The following BCAR1 variants were observed in gnomAD, a reference collection of about 807,000 sequenced individuals.
BCAR1 encodes breast cancer anti-estrogen resistance protein 1.
Under a neutral mutation model 67.6 loss-of-function variants are expected in BCAR1, and 30 were observed. The observed-to-expected ratio is 0.44, with a 90% CI of 0.33 to 0.60. The LOEUF is 0.60. BCAR1 is among the 20% of genes least tolerant of loss of function. The probability of loss-of-function intolerance (pLI) is 0.02; values close to 1 mark genes in which losing one functional copy is unlikely to be tolerated. For synonymous variants in BCAR1, 626 were observed against 556.7 expected, an observed-to-expected ratio of 1.12 and a Z score of -1.75; for missense variants, 1,313 against 1,222.3, an observed-to-expected ratio of 1.07 and a Z score of -1.11.
chr16:75,259,085 T>C (rs1194548065), intron 1 of BCAR1, among the ~76,000 whole-genome samples: 1 of 152,208 alleles, frequency 6.6e-6, no homozygotes, highest in Non-Finnish European at 1.5e-5. Flanking sequence ...CAGATGACTC[T>C]ACAGCCTAAG....
At chr16:75,253,257 G>C (rs2077713392), upstream of BCAR1, among the ~76,000 whole-genome samples, 1 of 152,208 alleles carries the variant, frequency 6.6e-6, no homozygotes, top group Non-Finnish European at 1.5e-5. Context: ...TGGCACACCA[G>C]CTTCCCAGAG....
At chr16:75,233,697 A>G (rs2076980882) in intron 6 of BCAR1, 149 bp downstream of exon 6, 2 of 684,738 alleles carry the variant, frequency 2.9e-6, no homozygotes, top group South Asian at 3.8e-5. Flanking sequence ...GATGGTCAGG[A>G]GGCAGGGGGG....
chr16:75,237,960 G>A lies in BCAR1; in HGVS notation c.634-616C>T, dbSNP rs186822920. 2,931 of 1,120,810 alleles carry A rather than the reference G, an allele frequency of 2.6e-3. 8 individuals are homozygous for A. The highest frequency in any genetic ancestry group is 3.0e-3 in the Non-Finnish European group (2,556 of 842,702). 69.4% of individuals were successfully genotyped at this position (1,120,810 alleles called of 1,614,324 possible). Reference sequence around the variant, plus strand: ...TGGGGGGCGCAGCAGCTGGGACCAAGGCCCCCTCCCTGCCGCGCCTGCCCC... The same window carrying A: ...TGGGGGGCGCAGCAGCTGGGACCAAAGCCCCCTCCCTGCCGCGCCTGCCCC... On this transcript the variant is annotated intron_variant, in intron 2 of 6. Transcript: ENST00000162330.
At chr16:75,260,188 C>T (rs182421167) in intron 1 of BCAR1, among the ~76,000 whole-genome samples, 5 of 151,834 alleles carry the variant, frequency 3.3e-5, no homozygotes, top group Non-Finnish European at 7.4e-5. Flanking sequence ...AGCGAGATTC[C>T]ATCTCAGAAA....
Position 75,229,798 on chromosome 16 carries a change from T to C in BCAR1, c.2326A>G (p.Lys776Glu). Reference sequence around the variant, plus strand: ...AACTTGCTGTGCGCCACAAAGATCTTGGGCGGCTGGTTGGTGGCCACGGCG... The same window carrying C: ...AACTTGCTGTGCGCCACAAAGATCTCGGGCGGCTGGTTGGTGGCCACGGCG... ...FTAVATNQPP[K>E]IFVAHSKFVI... The change falls in exon 7 of 7, where the codon AAG becomes GAG. Residue 776 changes from lysine to glutamate, a missense_variant. Lys to Glu is a moderately conservative substitution (Grantham distance 56). Coordinates refer to ENST00000162330, the MANE Select transcript of BCAR1 (RefSeq NM_014567.5). 4 of 1,613,518 alleles carry C rather than the reference T, an allele frequency of 2.5e-6. No homozygotes were observed. Among genetic ancestry groups the C allele is most frequent in the Non-Finnish European group, 3.4e-6 (4 of 1,179,998 alleles).
chr16:75,266,906 G>T, intron 1 of BCAR1: 1 of 718,702 alleles, frequency 1.4e-6, no homozygotes, highest in East Asian at 3.4e-5. Flanking sequence ...GCGGGGACCT[G>T]GGGGCAGAAA....
chr16:75,267,393 C>CGGGG (rs1491292014), intron 1 of BCAR1, among the ~76,000 whole-genome samples: 34 of 25,728 alleles, frequency 1.3e-3, no homozygotes, highest in African/African-American at 3.1e-3. Flanking sequence ...CCACAGCAAG[C>CGGGG]CGGGGGGGGG....
Position 75,234,913 on chromosome 16 carries a change from C to G in BCAR1, c.1986G>C (p.Glu662Asp). The G allele has an allele frequency of 6.5e-7, 1 of 1,544,696 alleles. No homozygotes were observed. The highest frequency in any genetic ancestry group is 8.8e-7 in the Non-Finnish European group (1 of 1,140,804). The change falls in exon 5 of 7, where the codon GAG (glutamate) becomes GAC (aspartate). Residue 662 changes from glutamate (E) to aspartate (D), a missense_variant. Physicochemically the swap from Glu to Asp is conservative, Grantham distance 45. Coordinates refer to ENST00000162330, the MANE Select transcript of BCAR1 (RefSeq NM_014567.5). ...CCTGTAGGTGGACGTAGTCATAGTC[C>G]TCCATCCAGCCCCCCTCGCTGTTCT... ...QYENSEGGWM[E>D]DYDYVHLQGK...
At chr16:75,248,509 C>CCTG in intron 1 of BCAR1, 1 of 271,054 alleles carries the variant, frequency 3.7e-6, no homozygotes, top group Non-Finnish European at 6.2e-6. Flanking sequence ...TGGTCCTGGC[C>CCTG]TCAGGCTCTG....
upstream of BCAR1, chr16:75,251,627 C>A: frequency 9.9e-7 from 1 of 1,007,076 alleles, no homozygotes; most frequent in South Asian, 4.5e-5. Flanking sequence ...GCCGGTCCAG[C>A]CGCTCTCCGC....
intron 5 of BCAR1, among the ~76,000 whole-genome samples, chr16:75,234,164 GACACACACACACAC>G (rs60447098): frequency 3.2e-5 from 3 of 94,958 alleles, no homozygotes; most frequent in Non-Finnish European, 5.1e-5. Flanking sequence ...CAGGCAGACA[GACACACACACACAC>G]ACACACACAC....
intron 1 of BCAR1, chr16:75,265,977 A>AAC (rs2078002274): frequency 1.9e-6 from 2 of 1,056,694 alleles, no homozygotes; most frequent in Non-Finnish European, 2.3e-6. Context: ...CGGACGCCGG[A>AAC]CTGTCCGGCC....
At chr16:75,260,146 A>G (rs2151478777) in intron 1 of BCAR1, among the ~76,000 whole-genome samples, 1 of 152,264 alleles carries the variant, frequency 6.6e-6, no homozygotes, top group African/African-American at 2.4e-5. Flanking sequence ...GTGAGCCGAG[A>G]TCCTGTCACT....
chr16:75,232,495 C>G (rs1272296974), intron 6 of BCAR1, among the ~76,000 whole-genome samples: 1 of 152,128 alleles, frequency 6.6e-6, no homozygotes, highest in Non-Finnish European at 1.5e-5. Flanking sequence ...TTGGGTCTCA[C>G]TACGTGGCCT....
At chr16:75,256,285 C>G (rs983696617), upstream of BCAR1, 1 of 136,088 alleles carries the variant, frequency 7.3e-6, no homozygotes, top group African/African-American at 2.9e-5. Flanking sequence ...AGGACTCAAG[C>G]TGGAGCTGTT....
At position 75,238,081 on chromosome 16, in the gene BCAR1, G is replaced by C. The variant is rs1257117810; in HGVS notation, c.634-737C>G. 16 of 1,288,890 alleles carry C rather than the reference G, an allele frequency of 1.2e-5. No individual in the cohort carries two copies. In the South Asian group the frequency reaches 1.9e-4, roughly 15 times the overall value. The allele number at this position is 1,288,890 out of a possible 1,614,324, so 79.8% of individuals were successfully genotyped here. ...CCAGGGCCAGCCCTCCCCTCCCCAG[G>C]TGCTCTTACCATGACCCAGAGCCCA... On this transcript the variant is annotated intron_variant, in intron 2 of 6. Transcript: ENST00000162330.
intron 1 of BCAR1, among the ~76,000 whole-genome samples, chr16:75,244,444 C>T (rs180750574): frequency 4.8e-4 from 73 of 152,350 alleles, no homozygotes; most frequent in Non-Finnish European, 8.8e-4. Flanking sequence ...AGGGCCCACC[C>T]TCCTCCCCTA....
chr16:75,263,728 C>T, intron 1 of BCAR1: 3 of 985,652 alleles, frequency 3.0e-6, no homozygotes, highest in Non-Finnish European at 3.6e-6. Flanking sequence ...AAAAGACTGC[C>T]CAAATGGATG....
chr16:75,264,643 C>T (rs1237502056), intron 1 of BCAR1: 4 of 1,261,684 alleles, frequency 3.2e-6, no homozygotes, highest in Non-Finnish European at 4.0e-6. Context: ...CAGGAGCGGG[C>T]TCTTTAATTC....
Sources: allele counts gnomAD v4.1 joint callset (sites outside exome capture counted in the v4.1 genomes callset), GRCh38; gene constraint gnomAD v4.1.1; transcripts MANE v1.5; gene names NCBI Gene and HGNC (gene_info 2026-07-23, HGNC 2026-07-21).